The following ITPR1 variants were observed in gnomAD, a reference collection of about 807,000 sequenced individuals.
ITPR1 encodes inositol 1,4,5-trisphosphate-gated calcium channel ITPR1.
Under a neutral mutation model 318.4 loss-of-function variants are expected in ITPR1, and 96 were observed. The observed-to-expected ratio is 0.30, with a 90% CI of 0.26 to 0.36. The LOEUF (loss-of-function observed/expected upper bound fraction) is 0.36, where lower values mean the gene tolerates loss of function less well. Among genes scored for constraint, ITPR1 ranks in the 10% least tolerant of loss-of-function variants. The pLI is 1.00. For missense variants in ITPR1, 2,440 were observed against 3,460.2 expected (o/e 0.71, Z 7.40); for synonymous variants, 1,312 against 1,289.9 (o/e 1.02, Z -0.37).
intron 44 of ITPR1, among the ~76,000 whole-genome samples, chr3:4,751,759 C>G (rs2044543028): frequency 6.6e-6 from 1 of 152,160 alleles, no homozygotes; most frequent in African/African-American, 2.4e-5. Context: ...TGGAAATCTT[C>G]CAGCAGAGTT....
intron 41 of ITPR1, 99 bp downstream of exon 41, chr3:4,725,680 C>T (rs1177455955): frequency 2.8e-6 from 3 of 1,074,464 alleles, no homozygotes; most frequent in Non-Finnish European, 1.4e-6. Flanking sequence ...CAAAAAGTCT[C>T]TCCCGGTGGT....
chr3:4,775,232 C>T lies in ITPR1; in HGVS notation c.5980-10C>T, dbSNP rs761501758. The T allele has an allele frequency of 2.5e-6, 4 of 1,608,776 alleles. No individual in the cohort carries two copies. The highest frequency in any genetic ancestry group is 3.4e-6 in the Non-Finnish European group (4 of 1,175,276). ...TTTGCTCACCGAACCTGGGGACTAC[C>T]CAATTGCAGAACTTCCTCCGTTGCC... is the stretch of plus-strand genomic sequence containing the variant. On this transcript the variant is annotated splice_polypyrimidine_tract_variant and intron_variant, in intron 46 of 61. Transcript: ENST00000649015.
intron 2 of ITPR1, among the ~76,000 whole-genome samples, chr3:4,513,109 G>C (rs899648434): frequency 3.3e-5 from 5 of 152,104 alleles, no homozygotes; most frequent in African/African-American, 1.2e-4. Context: ...AATGGTCCAC[G>C]ATCAGATAAA....
intron 61 of ITPR1, among the ~76,000 whole-genome samples, chr3:4,841,815 C>CT (rs533944804): frequency 1.6e-4 from 25 of 152,250 alleles, no homozygotes; most frequent in African/African-American, 6.0e-4. Context: ...GAGATCAACT[C>CT]TAAGAATCTG....
intron 4 of ITPR1, among the ~76,000 whole-genome samples, chr3:4,546,956 AG>A (rs776736806): frequency 3.3e-5 from 5 of 152,164 alleles, no homozygotes; most frequent in Non-Finnish European, 5.9e-5. Context: ...GGAGGACTTG[AG>A]TCCCAGTCTT....
intron 12 of ITPR1, among the ~76,000 whole-genome samples, chr3:4,655,135 G>C (rs925045677): frequency 1.3e-5 from 2 of 152,146 alleles, no homozygotes; most frequent in African/African-American, 4.8e-5. Flanking sequence ...CACTTGGACT[G>C]GGAGGGACGT....
intron 7 of ITPR1, among the ~76,000 whole-genome samples, chr3:4,643,896 C>T (rs2093395511): frequency 6.7e-6 from 1 of 149,092 alleles, no homozygotes; most frequent in Non-Finnish European, 1.5e-5. Context: ...GGCTTTGAAA[C>T]ATCTCTGTAT....
intron 4 of ITPR1, among the ~76,000 whole-genome samples, chr3:4,623,974 G>A (rs1161675830): frequency 6.6e-6 from 1 of 152,184 alleles, no homozygotes; most frequent in Non-Finnish European, 1.5e-5. Context: ...TCACCTTAGG[G>A]GAATGTAAAG....
chr3:4,706,030 C>T, intron 36 of ITPR1, 137 bp from the exon 37 acceptor site: 1 of 782,492 alleles, frequency 1.3e-6, no homozygotes, highest in Non-Finnish European at 2.0e-6. Context: ...GCTTCTCAGT[C>T]TTTAAGCTCA....
At chr3:4,746,837 T>G (rs1189445931) in intron 44 of ITPR1, among the ~76,000 whole-genome samples, 1 of 152,156 alleles carries the variant, frequency 6.6e-6, no homozygotes, top group African/African-American at 2.4e-5. Flanking sequence ...TCTGCTTACT[T>G]TTTGGTTGTT....
intron 4 of ITPR1, among the ~76,000 whole-genome samples, chr3:4,624,706 A>T (rs561383916): frequency 6.6e-6 from 1 of 151,694 alleles, no homozygotes; most frequent in East Asian, 1.9e-4. Context: ...TTAAACTATA[A>T]TGCAGTATTC....
At position 4,766,563 on chromosome 3, in the gene ITPR1, A is replaced by C. The variant is rs2125373028; in HGVS notation, c.5578A>C (p.Lys1860Gln). 2 of 1,613,846 alleles carry C rather than the reference A, an allele frequency of 1.2e-6. No homozygotes were observed. The highest frequency in any genetic ancestry group is 1.7e-6 in the Non-Finnish European group (2 of 1,179,754). The change falls in exon 45 of 62, where the codon AAG becomes CAG. Residue 1860 changes from lysine to glutamine, a missense_variant. Physicochemically the swap from Lys to Gln is moderately conservative, Grantham distance 53 (BLOSUM62 1). Coordinates refer to ENST00000649015, the MANE Select transcript of ITPR1 (RefSeq NM_001378452.1). ...TTTCTGTCGCTTGACAGAAGATAAG[A>C]AGTCAGAGAAATTCTTTAAGGTGTT... is the stretch of plus-strand genomic sequence containing the variant. ...SFFCRLTEDK[K>Q]SEKFFKVFYD... is the part of the protein sequence containing the mutation.
intron 3 of ITPR1, among the ~76,000 whole-genome samples, chr3:4,518,987 CAG>C (rs1200320036): frequency 6.6e-6 from 1 of 152,168 alleles, no homozygotes; most frequent in Non-Finnish European, 1.5e-5. Flanking sequence ...GCTGGGTTGA[CAG>C]AGTCCTGGCG....
chr3:4,558,472 A>T lies in ITPR1; in HGVS notation c.163+37378A>T, dbSNP rs542807814. ...CAACCTCAATGATATGAAAGTAAAA[A>T]TATAGACAATAGATGGTAAGGAATG... On this transcript the variant is annotated intron_variant, in intron 4 of 61. Transcript: ENST00000649015. 1.9e-4 allele frequency among the ~76,000 whole-genome samples: 29 copies of T among 152,318 alleles called. No homozygotes were observed. In the South Asian group the frequency reaches 5.0e-3, roughly 26 times the overall value.
rs913261545 is a variant in ITPR1, at chr3:4,559,218, T to C, written c.163+38124T>C. ...AAGTCAGGTTCCAAACAAAGCCCCC[T>C]CTTGTGTATGGGTGTTATGTCTCTC... On this transcript the variant is annotated intron_variant, in intron 4 of 61. Coordinates refer to ENST00000649015, the MANE Select transcript of ITPR1 (RefSeq NM_001378452.1). 1.3e-4 allele frequency among the ~76,000 whole-genome samples: 19 copies of C among 151,866 alleles called. No homozygotes were observed. In the East Asian group the frequency reaches 1.4e-3, roughly 11 times the overall value.
intron 44 of ITPR1, among the ~76,000 whole-genome samples, chr3:4,760,977 T>C (rs948755723): frequency 1.3e-5 from 2 of 152,214 alleles, no homozygotes; most frequent in Admixed American, 6.5e-5. Flanking sequence ...AACTAGAACA[T>C]GGACATGTCT....
At chr3:4,637,775 G>T (rs899803807) in intron 5 of ITPR1, among the ~76,000 whole-genome samples, 1 of 152,154 alleles carries the variant, frequency 6.6e-6, no homozygotes. Context: ...CTCAAAAGAT[G>T]TGCTTTCCTA....
chr3:4,755,018 C>T lies in ITPR1; in HGVS notation c.5545-11512C>T, dbSNP rs567546138. 2.0e-5 allele frequency among the ~76,000 whole-genome samples: 3 copies of T among 152,312 alleles called. No homozygotes were observed. The East Asian group carries it at 5.8e-4, about 29-fold the overall frequency. On this transcript the variant is annotated intron_variant, in intron 44 of 61. Transcript: ENST00000649015. ...CAGAGAAAATTTGGAGTCTCCTTAA[C>T]TTCTTGTTCCTGGGTCAGAGCCACA...
At chr3:4,531,940 C>G (rs533963548) in intron 4 of ITPR1, among the ~76,000 whole-genome samples, 3 of 152,322 alleles carry the variant, frequency 2.0e-5, no homozygotes, top group Admixed American at 6.5e-5. Flanking sequence ...TATTACTTAA[C>G]CTGGCAATGC....
Sources: allele counts gnomAD v4.1 joint callset (sites outside exome capture counted in the v4.1 genomes callset), GRCh38; gene constraint gnomAD v4.1.1; transcripts MANE v1.5; gene names NCBI Gene and HGNC (gene_info 2026-07-23, HGNC 2026-07-21).